The following SMPD4 variants were observed in gnomAD, a reference collection of about 807,000 sequenced individuals.
SMPD4 encodes the protein sphingomyelin phosphodiesterase 4.
In SMPD4, 58 loss-of-function variants were observed where a neutral mutation model predicts 97.8. That is an observed-to-expected ratio of 0.59 (90% CI 0.48 to 0.74). SMPD4 has a LOEUF of 0.74. Among genes scored for constraint, SMPD4 ranks in the 30% least tolerant of loss-of-function variants. The pLI, the probability that SMPD4 is intolerant of heterozygous loss-of-function variation, is 0.00. For synonymous variants in SMPD4, 388 were observed against 450.0 expected, an observed-to-expected ratio of 0.86 and a Z score of 1.74; for missense variants, 853 against 1,080.5, an observed-to-expected ratio of 0.79 and a Z score of 2.95.
At chr2:130,157,904 G>A (rs545513663) in intron 11 of SMPD4, 126 of 204,038 alleles carry the variant, frequency 6.2e-4, no homozygotes, top group Middle Eastern at 2.2e-3. Flanking sequence ...ACTTTGGGAG[G>A]CCAAGGTGGA....
chr2:130,157,389 A>G lies in SMPD4; in HGVS notation c.959T>C (p.Phe320Ser). ...CAACACATGCTCCTCAGTAGGCGTG[A>G]ACGACTCCTGGGTGGAGAAGGAGGG... is the stretch of plus-strand genomic sequence containing the variant. ...LQALHAYQES[F>S]TPTEEHVLVV... The change falls in exon 12 of 20, where the codon TTC (phenylalanine) becomes TCC (serine). Residue 320 changes from phenylalanine (F) to serine (S), a missense_variant. By Grantham distance (155) the Phe-to-Ser change is radical (BLOSUM62 -2). Around this residue, in one of 3 missense-constraint regions of SMPD4, gnomAD observed 313 missense variants for 402.2 expected, o/e 0.78. Coordinates refer to ENST00000680298, the MANE Select transcript of SMPD4 (RefSeq NM_017951.5). 6.2e-7 allele frequency: 1 copy of G among 1,610,514 alleles called. No homozygotes were observed. Among genetic ancestry groups the G allele is most frequent in the Non-Finnish European group, 8.5e-7 (1 of 1,179,210 alleles).
intron 8 of SMPD4, among the ~76,000 whole-genome samples, 162 bp downstream of exon 8, chr2:130,172,187 C>G (rs1229889525): frequency 1.3e-5 from 2 of 152,314 alleles, no homozygotes; most frequent in Admixed American, 6.5e-5. Context: ...CCGCCATACC[C>G]CACCCTCCAG....
In SMPD4 at chr2:130,152,683, C is replaced by T. The variant is rs754498594; in HGVS notation, c.2356G>A (p.Ala786Thr). ...CAGAACAGAGAGGCCACGAAGAAGG[C>T]CAGCAGCAGCGAGACCAGCGTCCGG... ...SYRTLVSLLL[A>T]FFVASLFCVG... Residue 786 changes from alanine to threonine, a missense_variant, in exon 20 of 20, where the codon GCC (alanine) becomes ACC (threonine). Transcript: ENST00000680298. 7.0e-6 allele frequency: 11 copies of T among 1,571,526 alleles called. No homozygotes were observed. The South Asian group carries it at 1.3e-4, about 18-fold the overall frequency.
chr2:130,170,067 G>C (rs1197282171), intron 8 of SMPD4, among the ~76,000 whole-genome samples: 6 of 152,076 alleles, frequency 3.9e-5, no homozygotes, highest in Admixed American at 2.0e-4. Context: ...AAATTAGCTG[G>C]CTGTAGTGAT....
At position 130,175,638 on chromosome 2, in the gene SMPD4, T is replaced by C. The variant is rs368703811; in HGVS notation, c.40-638A>G. Among the ~76,000 whole-genome samples the C allele has an allele frequency of 3.9e-5, 6 of 152,308 alleles. No individual in the cohort carries two copies. In the East Asian group the frequency reaches 5.8e-4, roughly 15 times the overall value. Reference sequence around the variant, plus strand: ...AGAAAAGACTCAGGACAAGGACTAATGAAATCTACCTAGTCGTGGGATGTG... The same window carrying C: ...AGAAAAGACTCAGGACAAGGACTAACGAAATCTACCTAGTCGTGGGATGTG... On this transcript the variant is annotated intron_variant, in intron 2 of 19. Coordinates refer to ENST00000680298, the MANE Select transcript of SMPD4 (RefSeq NM_017951.5).
At chr2:130,169,203 C>T (rs1688205247) in intron 8 of SMPD4, among the ~76,000 whole-genome samples, 1 of 152,204 alleles carries the variant, frequency 6.6e-6, no homozygotes, top group Non-Finnish European at 1.5e-5. Flanking sequence ...TAAGGGGCGG[C>T]CGCATGCTCT....
chr2:130,153,749 C>T lies in SMPD4; in HGVS notation c.1846G>A (p.Asp616Asn), dbSNP rs1686471659. 1 of 1,614,008 alleles carries T rather than the reference C, an allele frequency of 6.2e-7. No homozygotes were observed. Among genetic ancestry groups the T allele is most frequent in the Non-Finnish European group, 8.5e-7 (1 of 1,179,868 alleles). ...EMGQDSVRKT[D>N]EYLEKALEYL... ...TCCAGGGCCTTCTCCAGGTATTCATCTGTCTTCCGGACACTGTCTTGCCCC... is the reference window on the plus strand; with the variant it reads ...TCCAGGGCCTTCTCCAGGTATTCATTTGTCTTCCGGACACTGTCTTGCCCC... The change falls in exon 17 of 20, where the codon GAT becomes AAT. Residue 616 changes from aspartate to asparagine, a missense_variant. By Grantham distance (23) the Asp-to-Asn change is conservative. Coordinates refer to ENST00000680298, the MANE Select transcript of SMPD4 (RefSeq NM_017951.5).
intron 9 of SMPD4, 128 bp from the exon 10 acceptor site, chr2:130,164,573 T>C: frequency 1.4e-6 from 1 of 731,234 alleles, no homozygotes; most frequent in Non-Finnish European, 2.3e-6. Flanking sequence ...ACAGTGAAGC[T>C]GGGCCCTTCC....
rs1225086180 is a variant in SMPD4 at position 130,155,267 on chromosome 2, C to T, written c.1290-8G>A. ...TCCTGGACAAAGGGTGCCCTGGGGA[C>T]CGAGGTGGCAGGTTGGGGCCAGCCT... On this transcript the variant is annotated splice_polypyrimidine_tract_variant and splice_region_variant and intron_variant, in intron 14 of 19. Transcript: ENST00000680298. 1.2e-6 allele frequency: 2 copies of T among 1,613,910 alleles called. No homozygotes were observed. Among genetic ancestry groups the T allele is most frequent in the Admixed American group, 3.3e-5 (2 of 60,016 alleles).
At chr2:130,171,131 TTTTC>T (rs1238344245) in intron 8 of SMPD4, among the ~76,000 whole-genome samples, 1 of 102,892 alleles carries the variant, frequency 9.7e-6, no homozygotes, top group African/African-American at 8.3e-5. Context: ...ATATAATTTC[TTTTC>T]TTTTTTTTTT....
At chr2:130,156,320 CT>C in intron 13 of SMPD4, 185 bp from the exon 14 acceptor site, 1 of 676,154 alleles carries the variant, frequency 1.5e-6, no homozygotes, top group Non-Finnish European at 2.5e-6. Flanking sequence ...CCAGGGTGGG[CT>C]TTTCCCAGCC....
chr2:130,179,095 A>T (rs1689243924), intron 1 of SMPD4, among the ~76,000 whole-genome samples: 1 of 150,580 alleles, frequency 6.6e-6, no homozygotes, highest in South Asian at 2.1e-4. Flanking sequence ...TCTCGGCAAT[A>T]GGAACATCTC....
At chr2:130,172,219 A>T (rs1190835047) in intron 8 of SMPD4, 130 bp downstream of exon 8, 5 of 1,044,922 alleles carry the variant, frequency 4.8e-6, no homozygotes, top group Non-Finnish European at 6.8e-6. Flanking sequence ...ACAGCTGGGG[A>T]TGGGGAATGA....
At chr2:130,153,247 C>T in intron 18 of SMPD4, 72 bp downstream of exon 18, 1 of 1,612,692 alleles carries the variant, frequency 6.2e-7, no homozygotes, top group Non-Finnish European at 8.5e-7. Context: ...ATGGCCTCTG[C>T]TCACAAGGGA....
At chr2:130,175,455 A>G (rs1215169333) in intron 2 of SMPD4, among the ~76,000 whole-genome samples, 1 of 151,570 alleles carries the variant, frequency 6.6e-6, no homozygotes, top group Admixed American at 6.6e-5. Flanking sequence ...AAGAACGCCC[A>G]ACAACATCAC....
chr2:130,154,351 T>C lies in SMPD4; in HGVS notation c.1585A>G (p.Lys529Glu), dbSNP rs779096542. 2 of 1,612,140 alleles carry C rather than the reference T, an allele frequency of 1.2e-6. No homozygotes were observed. Among genetic ancestry groups the C allele is most frequent in the Non-Finnish European group, 1.7e-6 (2 of 1,179,324 alleles). Residue 529 changes from lysine to glutamate, a missense_variant, in exon 16 of 20, where the codon AAG becomes GAG. Physicochemically the swap from Lys to Glu is moderately conservative, Grantham distance 56 (BLOSUM62 1). Coordinates refer to ENST00000680298, the MANE Select transcript of SMPD4 (RefSeq NM_017951.5). ...PAVTDASFKV[K>E]SHVYSLEGQD... ...CCCTCCAGGCTGTAGACGTGGCTCT[T>C]CACCTTGAAGGAGGCATCAGTGACC...
intron 10 of SMPD4, among the ~76,000 whole-genome samples, 164 bp from the exon 11 acceptor site, chr2:130,161,436 AGCACG>A (rs1687406314): frequency 6.6e-6 from 1 of 152,164 alleles, no homozygotes; most frequent in South Asian, 2.1e-4. Flanking sequence ...ACAAAAACAA[AGCACG>A]GTCAGTGACA....
intron 10 of SMPD4, among the ~76,000 whole-genome samples, chr2:130,161,792 C>A (rs939756452): frequency 1.3e-5 from 2 of 152,198 alleles, no homozygotes; most frequent in East Asian, 3.9e-4. Context: ...GAAAAGAAAC[C>A]AGCGGAGCAT....
chr2:130,155,446 G>A (rs1264786509), intron 14 of SMPD4, among the ~76,000 whole-genome samples, 187 bp from the exon 15 acceptor site: 1 of 152,150 alleles, frequency 6.6e-6, no homozygotes, highest in Non-Finnish European at 1.5e-5. Context: ...ACAGAGGCAG[G>A]TAAGACCCAG....
Sources: gnomAD v4.1 joint callset for allele counts (sites outside exome capture counted in the v4.1 genomes callset) on GRCh38, gnomAD v4.1.1 for gene constraint, gnomAD v4.1.1 regional missense constraint, MANE v1.5 for transcripts, NCBI Gene and HGNC (gene_info 2026-07-23, HGNC 2026-07-21) for gene names.